Variants in AIF1L observed in about 807,000 individuals in gnomAD.
The protein encoded by AIF1L is allograft inflammatory factor 1-like.
In AIF1L, 12 loss-of-function variants were observed where a neutral mutation model predicts 20.7. The observed-to-expected ratio is 0.58, with a 90% confidence interval of 0.37 to 0.94. The LOEUF is 0.94. AIF1L is among the 40% of genes least tolerant of loss of function. AIF1L has a pLI of 0.01. For synonymous variants in AIF1L, 76 were observed against 65.1 expected (o/e 1.17, Z -0.81); for missense variants, 173 against 185.3 (o/e 0.93, Z 0.39).
chr9:131,101,995 C>G (rs1489206068), intron 2 of AIF1L, among the ~76,000 whole-genome samples: 1 of 152,148 alleles, frequency 6.6e-6, no homozygotes, highest in Non-Finnish European at 1.5e-5. Context: ...CGGCTCACTG[C>G]AACCTCTGCC....
intron 2 of AIF1L, among the ~76,000 whole-genome samples, chr9:131,110,218 A>G (rs555349120): frequency 5.3e-5 from 8 of 152,272 alleles, no homozygotes; most frequent in Admixed American, 2.6e-4. Context: ...TTTCAAAATA[A>G]TAATAACAAT....
intron 2 of AIF1L, among the ~76,000 whole-genome samples, chr9:131,098,764 G>C (rs1830578740): frequency 1.3e-5 from 2 of 152,188 alleles, no homozygotes; most frequent in Admixed American, 6.5e-5. Flanking sequence ...AAGGAGCTGT[G>C]GTCTAACCAC....
chr9:131,101,545 A>G (rs560329394), intron 2 of AIF1L, among the ~76,000 whole-genome samples: 310 of 151,424 alleles, frequency 2.0e-3, no homozygotes, highest in Non-Finnish European at 3.1e-3. Flanking sequence ...AGGTTTCACC[A>G]TGTTGCCCAG....
intron 2 of AIF1L, among the ~76,000 whole-genome samples, chr9:131,105,706 C>T (rs1830732638): frequency 6.6e-6 from 1 of 152,200 alleles, no homozygotes; most frequent in Non-Finnish European, 1.5e-5. Flanking sequence ...CCTCCAGCCT[C>T]TGTCATGCGT....
intron 2 of AIF1L, chr9:131,107,840 G>C (rs1287564681): frequency 1.3e-5 from 2 of 152,212 alleles, no homozygotes; most frequent in African/African-American, 2.4e-5. Flanking sequence ...GGGACCCTGG[G>C]AGGTGCCTGG....
chr9:131,116,781 G>A (rs1831022944), intron 4 of AIF1L, among the ~76,000 whole-genome samples: 3 of 152,246 alleles, frequency 2.0e-5, no homozygotes, highest in Non-Finnish European at 2.9e-5. Flanking sequence ...GGCTTTTGAA[G>A]CATCTTGCCG....
At chr9:131,102,577 G>A (rs1195010879) in intron 2 of AIF1L, among the ~76,000 whole-genome samples, 1 of 152,248 alleles carries the variant, frequency 6.6e-6, no homozygotes, top group Non-Finnish European at 1.5e-5. Flanking sequence ...ACAGGAAGCT[G>A]GAGATGGAAT....
chr9:131,100,721 G>T (rs764293506), intron 2 of AIF1L, among the ~76,000 whole-genome samples: 22 of 152,218 alleles, frequency 1.4e-4, no homozygotes, highest in Non-Finnish European at 1.0e-4. Context: ...GGCCAGCCAG[G>T]CATGGCCTTA....
rs1210254383 is a variant in AIF1L at position 131,123,134 on chromosome 9, A to G, written c.*2812A>G. The G allele has an allele frequency of 6.6e-6, 1 of 152,284 alleles. No homozygotes were observed. Among genetic ancestry groups the G allele is most frequent in the African/African-American group, 2.4e-5 (1 of 41,454 alleles). The allele number at this position is 152,284 out of a possible 1,614,324, so 9.4% of individuals were successfully genotyped here. On this transcript the variant is annotated 3_prime_UTR_variant, in exon 6 of 6. Transcript: ENST00000247291. ...CATCTCTACAGCCTGCAAATAAACC[A>G]GACAAACTTACCAACGTCTTGATTG... is the stretch of plus-strand genomic sequence containing the variant.
At chr9:131,105,512 A>G (rs1359747) in intron 2 of AIF1L, among the ~76,000 whole-genome samples, 34,540 of 151,826 alleles carry the variant, frequency 0.23, 4,283 homozygotes, top group East Asian at 0.34. Context: ...GATTACAGGT[A>G]CGTGTGGTTT....
chr9:131,118,725 T>C (rs1831069190), intron 5 of AIF1L, among the ~76,000 whole-genome samples: 1 of 151,866 alleles, frequency 6.6e-6, no homozygotes, highest in African/African-American at 2.4e-5. Flanking sequence ...TTTTGTATTT[T>C]TAGTAGAAAT....
intron 2 of AIF1L, among the ~76,000 whole-genome samples, chr9:131,101,041 G>A (rs1324539759): frequency 6.6e-6 from 1 of 152,062 alleles, no homozygotes; most frequent in Non-Finnish European, 1.5e-5. Context: ...GGAACTATAG[G>A]CGCGCACCAC....
At chr9:131,116,963 C>T (rs762944933) in intron 4 of AIF1L, among the ~76,000 whole-genome samples, 22 of 152,226 alleles carry the variant, frequency 1.4e-4, no homozygotes, top group Non-Finnish European at 2.9e-4. Flanking sequence ...GGCTGCGCCA[C>T]GGCCCATGGC....
rs551123699 is a variant in AIF1L, at chr9:131,110,816, A to G, written c.94-781A>G. Among the ~76,000 whole-genome samples the G allele has an allele frequency of 8.5e-5, 13 of 152,080 alleles. No individual in the cohort carries two copies. The South Asian group carries it at 2.1e-3, about 24-fold the overall frequency. On this transcript the variant is annotated intron_variant, in intron 2 of 5. Coordinates refer to ENST00000247291, the MANE Select transcript of AIF1L (RefSeq NM_031426.4). ...CCGCACCTGGCCTCACTGGATTTCT[A>G]TACAAACTCAAGAAGCAGATCATGA...
At chr9:131,110,946 C>T (rs1487339486) in intron 2 of AIF1L, among the ~76,000 whole-genome samples, 7 of 149,674 alleles carry the variant, frequency 4.7e-5, no homozygotes, top group Non-Finnish European at 7.4e-5. Flanking sequence ...GGGGTGGGAG[C>T]GGGGGGATCA....
At chr9:131,108,785 C>G (rs1830808487) in intron 2 of AIF1L, among the ~76,000 whole-genome samples, 1 of 152,228 alleles carries the variant, frequency 6.6e-6, no homozygotes, top group Non-Finnish European at 1.5e-5. Context: ...ATAATCTTAT[C>G]TGTTGCTCAT....
intron 2 of AIF1L, 94 bp downstream of exon 2, chr9:131,096,957 C>A: frequency 7.5e-7 from 1 of 1,325,168 alleles, no homozygotes. Flanking sequence ...GCCTCCAGAT[C>A]TACCCTCTTC....
At chr9:131,114,900 G>A (rs1830974286) in intron 4 of AIF1L, among the ~76,000 whole-genome samples, 1 of 152,170 alleles carries the variant, frequency 6.6e-6, no homozygotes, top group African/African-American at 2.4e-5. Context: ...CCCAGGGCTG[G>A]AGACACTCAG....
At chr9:131,105,756 G>T (rs1405129591) in intron 2 of AIF1L, among the ~76,000 whole-genome samples, 1 of 152,110 alleles carries the variant, frequency 6.6e-6, no homozygotes, top group African/African-American at 2.4e-5. Context: ...CGTTGCAGGG[G>T]TGAGGATGGA....
Sources: gnomAD v4.1 joint callset for allele counts (sites outside exome capture counted in the v4.1 genomes callset) on GRCh38, gnomAD v4.1.1 for gene constraint, MANE v1.5 for transcripts, NCBI Gene and HGNC (gene_info 2026-07-23, HGNC 2026-07-21) for gene names.